The following ZCCHC12 variants were observed in gnomAD, a reference collection of about 807,000 sequenced individuals.
ZCCHC12 encodes the protein zinc finger CCHC domain-containing protein 12.
For synonymous variants in ZCCHC12, 128 were observed against 123.2 expected, an observed-to-expected ratio of 1.04 and a Z score of -0.26; for missense variants, 317 against 323.4, an observed-to-expected ratio of 0.98 and a Z score of 0.15.
In ZCCHC12 at chrX:118,826,680, G is replaced by T; in HGVS notation, c.*227G>T. 2.3e-6 allele frequency: 1 copy of T among 439,300 alleles called. No individual in the cohort carries two copies. The highest frequency in any genetic ancestry group is 4.0e-6 in the Non-Finnish European group (1 of 248,589). The allele number at this position is 439,300 out of a possible 1,213,427, so 36.2% of individuals were successfully genotyped here. On this transcript the variant is annotated 3_prime_UTR_variant, in exon 4 of 4. Coordinates refer to ENST00000310164, the MANE Select transcript of ZCCHC12 (RefSeq NM_173798.4). The stretch of plus-strand genomic sequence containing the variant: ...TGCAGCCTACGGGTCTGTTTTCTGT[G>T]TGTGCCCATTTCCTTGACAGCTTTA...
rs1422289135 is a variant in ZCCHC12 at position 118,826,500 on chromosome X, C to T, written c.*47C>T. ...TGAACCCTTACCTATATTCAGCATC[C>T]AGTAGTGGGAAAACTGGGGTGGGGG... On this transcript the variant is annotated 3_prime_UTR_variant, in exon 4 of 4. Transcript: ENST00000310164. 8.4e-7 allele frequency: 1 copy of T among 1,188,186 alleles called. No individual in the cohort carries two copies. The highest frequency in any genetic ancestry group is 1.1e-6 in the Non-Finnish European group (1 of 880,319).
intron 1 of ZCCHC12, 43 bp from the exon 2 acceptor site, chrX:118,824,296 G>A (rs181212548): frequency 9.0e-6 from 1 of 111,344 alleles, no homozygotes; most frequent in African/African-American, 3.3e-5. Context: ...GGAGGAATAT[G>A]TGGGTGGGTG....
At position 118,825,180 on chromosome X, in the gene ZCCHC12, C is replaced by T. The variant is rs1388021926; in HGVS notation, c.-65C>T. The T allele has an allele frequency of 2.5e-6, 3 of 1,202,555 alleles. No homozygotes were observed. The highest frequency in any genetic ancestry group is 3.4e-6 in the Non-Finnish European group (3 of 887,614). Reference sequence around the variant, plus strand: ...GCCACCTCCTCTCCTCTCCCACCTGCAGATTAAGCTTTTCTAAAAAGCCTA... The same window carrying T: ...GCCACCTCCTCTCCTCTCCCACCTGTAGATTAAGCTTTTCTAAAAAGCCTA... On this transcript the variant is annotated 5_prime_UTR_variant, in exon 4 of 4. Coordinates refer to ENST00000310164, the MANE Select transcript of ZCCHC12 (RefSeq NM_173798.4).
chrX:118,825,844 A>G lies in ZCCHC12; in HGVS notation c.600A>G (p.Ala200=). Residue 200 remains alanine (A), a synonymous_variant, in exon 4 of 4, where the codon GCA becomes GCG. Coordinates refer to ENST00000310164, the MANE Select transcript of ZCCHC12 (RefSeq NM_173798.4). ...TTAAGGATTTTCTCAGGATGTATGC[A>G]AATGAGCAGGAGCGGCTTCCCAACT... ...LRLKDFLRMY[A]NEQERLPNFL... is the part of the protein sequence containing the mutation. 8.3e-7 allele frequency: 1 copy of G among 1,211,919 alleles called. No individual in the cohort carries two copies. Among genetic ancestry groups the G allele is most frequent in the East Asian group, 3.0e-5 (1 of 33,842 alleles).
rs1569463069 is a variant in ZCCHC12 at position 118,825,312 on chromosome X, A to G, written c.68A>G (p.His23Arg). The change falls in exon 4 of 4, where the codon CAT (histidine) becomes CGT (arginine). Residue 23 changes from histidine to arginine, a missense_variant. Transcript: ENST00000310164. ...AATGCACCCTTGCCGCCTTGGGCCC[A>G]TTCCATGCTGAGGTCCCTGGGGAGA... ...RLNAPLPPWA[H>R]SMLRSLGRSL... 2.5e-6 allele frequency: 3 copies of G among 1,211,723 alleles called. No homozygotes were observed. Among genetic ancestry groups the G allele is most frequent in the East Asian group, 5.9e-5 (2 of 33,842 alleles).
In ZCCHC12 at chrX:118,825,194, C is replaced by T; in HGVS notation, c.-51C>T. The T allele has an allele frequency of 2.5e-6, 3 of 1,209,529 alleles. No homozygotes were observed. Among genetic ancestry groups the T allele is most frequent in the Non-Finnish European group, 3.4e-6 (3 of 893,797 alleles). On this transcript the variant is annotated 5_prime_UTR_variant, in exon 4 of 4. Coordinates refer to ENST00000310164, the MANE Select transcript of ZCCHC12 (RefSeq NM_173798.4). ...TCTCCCACCTGCAGATTAAGCTTTT[C>T]TAAAAAGCCTAGGCATCTTCTTATA... is the stretch of plus-strand genomic sequence containing the variant.
Position 118,826,388 on chromosome X carries a change from C to A in ZCCHC12, c.1144C>A (p.His382Asn). Residue 382 changes from histidine to asparagine, a missense_variant, in exon 4 of 4, where the codon CAT becomes AAT. Coordinates refer to ENST00000310164, the MANE Select transcript of ZCCHC12 (RefSeq NM_173798.4). ...NLIITLQELT[H>N]TEMERSRVAP... ...GATCATCACTCTCCAGGAGCTGACC[C>A]ATACTGAGATGGAGAGGTCAAGAGT... 8.3e-7 allele frequency: 1 copy of A among 1,211,696 alleles called. No homozygotes were observed. The highest frequency in any genetic ancestry group is 1.1e-6 in the Non-Finnish European group (1 of 895,539).
chrX:118,825,281 C>T lies in ZCCHC12; in HGVS notation c.37C>T (p.Arg13Trp), dbSNP rs1288331723. 5.8e-6 allele frequency: 7 copies of T among 1,211,836 alleles called. No individual in the cohort carries two copies. Among genetic ancestry groups the T allele is most frequent in the South Asian group, 1.8e-5 (1 of 56,957 alleles). Residue 13 changes from arginine (R) to tryptophan (W), a missense_variant, in exon 4 of 4, where the codon CGG (arginine) becomes TGG (tryptophan). Coordinates refer to ENST00000310164, the MANE Select transcript of ZCCHC12 (RefSeq NM_173798.4). ...SIIARVGNSR[R>W]LNAPLPPWAH... ...CATTGCACGTGTCGGTAACAGCCGGCGGCTGAATGCACCCTTGCCGCCTTG... is the reference window on the plus strand; with the variant it reads ...CATTGCACGTGTCGGTAACAGCCGGTGGCTGAATGCACCCTTGCCGCCTTG...
Position 118,826,339 on chromosome X carries a change from C to CA in ZCCHC12, c.1097dup (p.Ala367GlyfsTer5), listed in dbSNP as rs772720674. On this transcript the variant is annotated frameshift_variant, in exon 4 of 4. Transcript: ENST00000310164. LOFTEE classifies it high-confidence loss of function. Reference sequence around the variant, plus strand: ...AAGAAACCTGTGACAACGAGAGTGACAAGGCCCAGGTTTTTGAGAATTTGA... The same window carrying CA: ...AAGAAACCTGTGACAACGAGAGTGACAAAGGCCCAGGTTTTTGAGAATTTGA... 1 of 1,211,678 alleles carries CA rather than the reference C, an allele frequency of 8.3e-7. No homozygotes were observed.
At position 118,826,092 on chromosome X, in the gene ZCCHC12, A is replaced by G; in HGVS notation, c.848A>G (p.Gln283Arg). Residue 283 changes from glutamine to arginine, a missense_variant, in exon 4 of 4, where the codon CAG becomes CGG. By Grantham distance (43) the Gln-to-Arg change is conservative. Coordinates refer to ENST00000310164, the MANE Select transcript of ZCCHC12 (RefSeq NM_173798.4). ...GAGGATGTGATCCTGGTGGAGTCTC[A>G]GGACCCTCCACTTCCATCCTGGGGT... is the stretch of plus-strand genomic sequence containing the variant. ...SDEDVILVES[Q>R]DPPLPSWGAP... 8.3e-7 allele frequency: 1 copy of G among 1,211,156 alleles called. No individual in the cohort carries two copies. Among genetic ancestry groups the G allele is most frequent in the Non-Finnish European group, 1.1e-6 (1 of 895,306 alleles).
Position 118,825,249 on chromosome X carries a change from C to T in ZCCHC12, c.5C>T (p.Ala2Val). M[A>V]SIIARVGNSR... ...GATACCCTATCGTCGTCAGTCATGG[C>T]TAGCATCATTGCACGTGTCGGTAAC... Residue 2 changes from alanine (A) to valine (V), a missense_variant, in exon 4 of 4, where the codon GCT becomes GTT. By Grantham distance (64) the Ala-to-Val change is moderately conservative. Coordinates refer to ENST00000310164, the MANE Select transcript of ZCCHC12 (RefSeq NM_173798.4). 8.3e-7 allele frequency: 1 copy of T among 1,212,077 alleles called. No individual in the cohort carries two copies. The highest frequency in any genetic ancestry group is 1.1e-6 in the Non-Finnish European group (1 of 895,565).
At chrX:118,824,932 G>C (rs1233979084) in intron 3 of ZCCHC12, among the ~76,000 whole-genome samples, 199 bp from the exon 4 acceptor site, 1 of 111,876 alleles carries the variant, frequency 8.9e-6, no homozygotes, top group Non-Finnish European at 1.9e-5. Context: ...ACTGGTGGGA[G>C]GGATGGATGT....
rs1450945127 is a variant in ZCCHC12 at position 118,825,350 on chromosome X, A to G, written c.106A>G (p.Ile36Val). 18 of 1,211,048 alleles carry G rather than the reference A, an allele frequency of 1.5e-5. No homozygotes were observed. The highest frequency in any genetic ancestry group is 1.6e-5 in the Non-Finnish European group (14 of 895,255). ...GTCCCTGGGGAGAAGTCTCGGTCCT[A>G]TAATGGCCAGCATGGCAGACAGAAA... is the stretch of plus-strand genomic sequence containing the variant. ...LRSLGRSLGP[I>V]MASMADRNMK... Residue 36 changes from isoleucine (I) to valine (V), a missense_variant, in exon 4 of 4, where the codon ATA becomes GTA. Transcript: ENST00000310164.
rs768750638 is a variant in ZCCHC12, at chrX:118,825,544, G to A, written c.300G>A (p.Val100=). ...GCCCTGCCCGCGAGGTCATGCGTGTGCTTCAGGCGACCAACCCTAACCTAA... is the reference window on the plus strand; with the variant it reads ...GCCCTGCCCGCGAGGTCATGCGTGTACTTCAGGCGACCAACCCTAACCTAA... The part of the protein sequence containing the change: ...LRGPAREVMR[V]LQATNPNLSV... Residue 100 remains valine (V), a synonymous_variant, in exon 4 of 4, where the codon GTG becomes GTA. Transcript: ENST00000310164. 18 of 1,210,256 alleles carry A rather than the reference G, an allele frequency of 1.5e-5. No homozygotes were observed. The South Asian group carries it at 2.6e-4, about 18-fold the overall frequency.
At position 118,825,890 on chromosome X, in the gene ZCCHC12, G is replaced by T. The variant is rs1297513818; in HGVS notation, c.646G>T (p.Val216Leu). The T allele has an allele frequency of 6.6e-6, 8 of 1,211,769 alleles. No individual in the cohort carries two copies. Among genetic ancestry groups the T allele is most frequent in the Non-Finnish European group, 7.8e-6 (7 of 895,535 alleles). The change falls in exon 4 of 4, where the codon GTA becomes TTA. Residue 216 changes from valine (V) to leucine (L), a missense_variant. Physicochemically the swap from Val to Leu is conservative, Grantham distance 32. Coordinates refer to ENST00000310164, the MANE Select transcript of ZCCHC12 (RefSeq NM_173798.4). ...LPNFLELIRM[V>L]REEEDWDDAF... ...CAACTTTCTGGAGTTAATCAGAATG[G>T]TAAGGGAGGAAGAGGATTGGGATGA... is the stretch of plus-strand genomic sequence containing the variant.
At position 118,825,883 on chromosome X, in the gene ZCCHC12, C is replaced by T; in HGVS notation, c.639C>T (p.Ile213=). 8.3e-7 allele frequency: 1 copy of T among 1,211,470 alleles called. No individual in the cohort carries two copies. The highest frequency in any genetic ancestry group is 1.7e-5 in the African/African-American group (1 of 57,654). ...GGCTTCCCAACTTTCTGGAGTTAAT[C>T]AGAATGGTAAGGGAGGAAGAGGATT... ...QERLPNFLEL[I]RMVREEEDWD... is the part of the protein sequence containing the mutation. Residue 213 remains isoleucine, a synonymous_variant, in exon 4 of 4, where the codon ATC becomes ATT. Coordinates refer to ENST00000310164, the MANE Select transcript of ZCCHC12 (RefSeq NM_173798.4).
In ZCCHC12 at chrX:118,826,669, C is replaced by G. The variant is rs1038924824; in HGVS notation, c.*216C>G. ...CTCCTTCTCCCTGCAGCCTACGGGT[C>G]TGTTTTCTGTGTGTGCCCATTTCCT... On this transcript the variant is annotated 3_prime_UTR_variant, in exon 4 of 4. Transcript: ENST00000310164. 1.5e-5 allele frequency: 7 copies of G among 458,464 alleles called. No individual in the cohort carries two copies. The highest frequency in any genetic ancestry group is 4.0e-5 in the Admixed American group (1 of 24,922). The allele number at this position is 458,464 out of a possible 1,213,427, so 37.8% of individuals were successfully genotyped here. A position where few individuals can be genotyped will look rare whatever the true frequency, so the allele number is the denominator to read the frequency against.
rs2018226340 is a variant in ZCCHC12, at chrX:118,824,361, T to C, written c.-269T>C. On this transcript the variant is annotated 5_prime_UTR_variant, in exon 2 of 4. Transcript: ENST00000310164. ...CAGGCCATCAAAGCCGCATCTGAAC[T>C]TGAATTCTGTGCAGCTGATTGCAGA... 1 of 109,643 alleles carries C rather than the reference T, an allele frequency of 9.1e-6. No individual in the cohort carries two copies. The highest frequency in any genetic ancestry group is 9.8e-5 in the Admixed American group (1 of 10,234). The allele number at this position is 109,643 out of a possible 1,213,427, so 9.0% of individuals were successfully genotyped here. A position where few individuals can be genotyped will look rare whatever the true frequency, so the allele number is the denominator to read the frequency against.
chrX:118,825,528 G>A lies in ZCCHC12; in HGVS notation c.284G>A (p.Arg95His), dbSNP rs369803562. The A allele has an allele frequency of 1.7e-5, 20 of 1,210,125 alleles. No homozygotes were observed. The highest frequency in any genetic ancestry group is 2.2e-5 in the Non-Finnish European group (20 of 895,268). ...ATGAAAACCCTTAGGGGCCCTGCCC[G>A]CGAGGTCATGCGTGTGCTTCAGGCG... ...RLMKTLRGPA[R>H]EVMRVLQATN... Residue 95 changes from arginine to histidine, a missense_variant, in exon 4 of 4, where the codon CGC becomes CAC. Coordinates refer to ENST00000310164, the MANE Select transcript of ZCCHC12 (RefSeq NM_173798.4).
Sources: gnomAD v4.1 joint callset for allele counts (sites outside exome capture counted in the v4.1 genomes callset) on GRCh38, gnomAD v4.1.1 for gene constraint, MANE v1.5 for transcripts, NCBI Gene and HGNC (gene_info 2026-07-23, HGNC 2026-07-21) for gene names.